TBC1D32: variants seen among roughly 807,000 people sequenced by gnomAD.
TBC1D32 encodes protein broad-minded.
In TBC1D32, 151 loss-of-function variants were observed where a neutral mutation model predicts 170.3. That is an observed-to-expected ratio of 0.89 (90% CI 0.78 to 1.01). The LOEUF (loss-of-function observed/expected upper bound fraction) is 1.01, where lower values mean the gene tolerates loss of function less well. Ranked by LOEUF, TBC1D32 falls within the 50% of genes least tolerant of loss-of-function variation. TBC1D32 has a pLI of 0.00. For synonymous variants in TBC1D32, 498 were observed against 488.0 expected (o/e 1.02, Z -0.27); for missense variants, 1,464 against 1,457.1 (o/e 1.00, Z -0.08).
At chr6:121,188,499 GGA>G (rs1458200032) in intron 22 of TBC1D32, among the ~76,000 whole-genome samples, 2 of 151,972 alleles carry the variant, frequency 1.3e-5, no homozygotes, top group African/African-American at 4.8e-5. Flanking sequence ...AGAGAGAGAA[GGA>G]GAGCCAATGA....
intron 4 of TBC1D32, 30 bp from the exon 5 acceptor site, chr6:121,308,131 C>A (rs370192787): frequency 6.3e-7 from 1 of 1,599,324 alleles, no homozygotes. Context: ...CTTTTATTAA[C>A]ACTCAGTCAC....
chr6:121,232,745 C>CT (rs953590901), intron 20 of TBC1D32, among the ~76,000 whole-genome samples: 1 of 151,726 alleles, frequency 6.6e-6, no homozygotes, highest in African/African-American at 2.4e-5. Flanking sequence ...TTCATTATTT[C>CT]TTTTTTCCTG....
At chr6:121,304,970 C>T (rs1245832585) in intron 5 of TBC1D32, 137 bp from the exon 6 acceptor site, 9 of 641,530 alleles carry the variant, frequency 1.4e-5, no homozygotes, top group Non-Finnish European at 2.4e-5. Flanking sequence ...TCAGAATGTA[C>T]TTATTTAAAA....
chr6:121,321,759 C>A lies in TBC1D32; in HGVS notation c.191G>T (p.Gly64Val), dbSNP rs781554056. ...TTCAATCATAGAACCCAAAGTGTTG[C>A]CTATATGCTGCCTGAGGTATTTCAC... Reference protein sequence around the residue: ...EFVKYLRQHIGNTLGSMIEEE... With the variant: ...EFVKYLRQHIVNTLGSMIEEE... Residue 64 changes from glycine (G) to valine (V), a missense_variant, in exon 2 of 32, where the codon GGC becomes GTC. Physicochemically the swap from Gly to Val is moderately radical, Grantham distance 109. Transcript: ENST00000398212. The A allele has an allele frequency of 6.2e-7, 1 of 1,613,472 alleles. No homozygotes were observed. Among genetic ancestry groups the A allele is most frequent in the Admixed American group, 1.7e-5 (1 of 59,962 alleles).
intron 30 of TBC1D32, among the ~76,000 whole-genome samples, chr6:121,097,592 G>T (rs566336408): frequency 3.9e-5 from 6 of 152,232 alleles, no homozygotes; most frequent in African/African-American, 1.4e-4. Context: ...TACACTTTTG[G>T]TGGGAGTGTA....
intron 22 of TBC1D32, among the ~76,000 whole-genome samples, chr6:121,169,266 A>G (rs1786604826): frequency 6.6e-6 from 1 of 152,148 alleles, no homozygotes; most frequent in Non-Finnish European, 1.5e-5. Flanking sequence ...ATAAGGCCAA[A>G]CTTCTACAAC....
chr6:121,190,252 T>TCCCCCTC (rs1312229316), intron 22 of TBC1D32, among the ~76,000 whole-genome samples: 1 of 135,968 alleles, frequency 7.4e-6, no homozygotes, highest in Non-Finnish European at 1.6e-5. Context: ...CCTCCCTCCT[T>TCCCCCTC]CCCCCTCCAC....
At chr6:121,236,593 C>T (rs762812664) in intron 20 of TBC1D32, among the ~76,000 whole-genome samples, 13 of 152,080 alleles carry the variant, frequency 8.5e-5, no homozygotes, top group Non-Finnish European at 1.9e-4. Context: ...AATGAGTTGT[C>T]ATTTCTAGGT....
At chr6:121,274,899 T>C (rs1402213326) in intron 15 of TBC1D32, among the ~76,000 whole-genome samples, 1 of 152,000 alleles carries the variant, frequency 6.6e-6, no homozygotes, top group African/African-American at 2.4e-5. Flanking sequence ...ATTTAGTCAA[T>C]TAGAAAAAAA....
At chr6:121,140,854 T>C (rs1331579044) in intron 24 of TBC1D32, among the ~76,000 whole-genome samples, 1 of 152,168 alleles carries the variant, frequency 6.6e-6, no homozygotes, top group African/African-American at 2.4e-5. Context: ...GCTTTCTAAC[T>C]GCAAACTTTT....
chr6:121,132,306 G>A (rs1018579868), intron 24 of TBC1D32, among the ~76,000 whole-genome samples: 41 of 151,962 alleles, frequency 2.7e-4, no homozygotes, highest in African/African-American at 6.3e-4. Flanking sequence ...GCAAGATCAC[G>A]TTGAGCTTCG....
At chr6:121,228,241 T>C (rs1159420541) in intron 20 of TBC1D32, among the ~76,000 whole-genome samples, 1 of 152,076 alleles carries the variant, frequency 6.6e-6, no homozygotes, top group Non-Finnish European at 1.5e-5. Context: ...ATTTGTTATT[T>C]CTCTTTAGTT....
intron 21 of TBC1D32, 64 bp from the exon 22 acceptor site, chr6:121,205,227 C>A: frequency 1.3e-6 from 1 of 794,060 alleles, no homozygotes; most frequent in Non-Finnish European, 1.9e-6. Context: ...ATTAAGTCAA[C>A]AACAATTTAT....
chr6:121,281,981 C>A (rs1392972392), intron 13 of TBC1D32, among the ~76,000 whole-genome samples: 1 of 151,720 alleles, frequency 6.6e-6, no homozygotes, highest in Admixed American at 6.6e-5. Flanking sequence ...AAGATTTGGT[C>A]TGAAGCAAAT....
intron 9 of TBC1D32, 28 bp from the exon 10 acceptor site, chr6:121,299,533 T>C (rs1350503541): frequency 1.3e-6 from 2 of 1,488,256 alleles, no homozygotes; most frequent in African/African-American, 2.8e-5. Flanking sequence ...TGATATTTAA[T>C]ACTCAAGCTG....
intron 15 of TBC1D32, among the ~76,000 whole-genome samples, chr6:121,271,279 A>G: frequency 6.6e-6 from 1 of 152,126 alleles, no homozygotes; most frequent in Non-Finnish European, 1.5e-5. Flanking sequence ...CAGGCAGGAG[A>G]AAGAAATAAA....
chr6:121,292,256 C>A, intron 11 of TBC1D32, 63 bp from the exon 12 acceptor site: 1 of 1,475,350 alleles, frequency 6.8e-7, no homozygotes. Flanking sequence ...TACCTGTCTT[C>A]ATTCCCTTCT....
intron 24 of TBC1D32, among the ~76,000 whole-genome samples, chr6:121,157,775 G>A (rs146660161): frequency 4.6e-5 from 7 of 152,080 alleles, no homozygotes; most frequent in African/African-American, 9.6e-5. Context: ...TGAGTTTGGT[G>A]GGATATTAAA....
chr6:121,245,352 CAAT>C (rs1301821125), intron 17 of TBC1D32, among the ~76,000 whole-genome samples: 1 of 152,130 alleles, frequency 6.6e-6, no homozygotes, highest in Non-Finnish European at 1.5e-5. Flanking sequence ...CCCAGAAGAG[CAAT>C]AACAATCACT....
Sources: allele counts gnomAD v4.1 joint callset (sites outside exome capture counted in the v4.1 genomes callset), GRCh38; gene constraint gnomAD v4.1.1; transcripts MANE v1.5; gene names NCBI Gene and HGNC (gene_info 2026-07-23, HGNC 2026-07-21).